Variants in AMBRA1 observed in about 807,000 individuals in gnomAD.
AMBRA1 encodes activating molecule in BECN1-regulated autophagy protein 1.
In AMBRA1, 47 loss-of-function variants were observed where a neutral mutation model predicts 125.4. The observed-to-expected ratio is 0.37, with a 90% CI of 0.30 to 0.48. The LOEUF is 0.48. Among genes scored for constraint, AMBRA1 ranks in the 20% least tolerant of loss-of-function variants. The pLI, the probability that AMBRA1 is intolerant of heterozygous loss-of-function variation, is 0.99. For missense variants in AMBRA1, 1,331 were observed against 1,693.4 expected (o/e 0.79, Z 3.76); for synonymous variants, 626 against 655.5 (o/e 0.95, Z 0.69).
intron 1 of AMBRA1, chr11:46,548,982 G>A (rs1236397312): frequency 6.6e-6 from 1 of 151,274 alleles, no homozygotes; most frequent in Non-Finnish European, 1.5e-5. Flanking sequence ...GACAGAGCAA[G>A]ACTCCATCTC....
At chr11:46,482,061 G>A (rs897862893) in intron 11 of AMBRA1, among the ~76,000 whole-genome samples, 1 of 152,218 alleles carries the variant, frequency 6.6e-6, no homozygotes, top group Non-Finnish European at 1.5e-5. Flanking sequence ...GTGATGTGAT[G>A]TTTCCAGCTT....
At chr11:46,508,049 C>T in intron 9 of AMBRA1, 142 bp downstream of exon 9, 1 of 900,022 alleles carries the variant, frequency 1.1e-6, no homozygotes, top group Non-Finnish European at 1.7e-6. Context: ...CCCTCTGTCC[C>T]TCACCCCATC....
intron 11 of AMBRA1, among the ~76,000 whole-genome samples, chr11:46,445,101 G>T (rs1028674258): frequency 2.0e-4 from 31 of 151,350 alleles, no homozygotes; most frequent in African/African-American, 7.5e-4. Context: ...AAAACTTAGT[G>T]TAATCATTTG....
chr11:46,489,294 A>C (rs1439903916), intron 11 of AMBRA1, among the ~76,000 whole-genome samples: 6 of 150,380 alleles, frequency 4.0e-5, no homozygotes, highest in Non-Finnish European at 8.9e-5. Flanking sequence ...TTCAATTCTC[A>C]CCTACATGCC....
chr11:46,579,570 C>A (rs1033910391), intron 1 of AMBRA1, among the ~76,000 whole-genome samples: 2 of 152,208 alleles, frequency 1.3e-5, no homozygotes, highest in Admixed American at 1.3e-4. Context: ...ATCTTCATAC[C>A]CTCACCCTTT....
intron 14 of AMBRA1, among the ~76,000 whole-genome samples, chr11:46,432,762 G>C (rs1217936764): frequency 6.6e-6 from 1 of 152,214 alleles, no homozygotes; most frequent in East Asian, 1.9e-4. Context: ...CAGGTTCTTG[G>C]ATTCTGACAA....
intron 14 of AMBRA1, among the ~76,000 whole-genome samples, chr11:46,432,021 G>A (rs1290054062): frequency 6.6e-6 from 1 of 152,044 alleles, no homozygotes; most frequent in Non-Finnish European, 1.5e-5. Context: ...TGATAAAGAG[G>A]ATGCTTTATT....
intron 1 of AMBRA1, among the ~76,000 whole-genome samples, chr11:46,581,433 CCG>C (rs2044166507): frequency 6.6e-6 from 1 of 152,062 alleles, no homozygotes; most frequent in East Asian, 1.9e-4. Context: ...ACATGAAACC[CCG>C]TCTCTACTAA....
chr11:46,531,914 T>C (rs1364827628), intron 7 of AMBRA1, among the ~76,000 whole-genome samples: 1 of 151,908 alleles, frequency 6.6e-6, no homozygotes, highest in Non-Finnish European at 1.5e-5. Context: ...GGTTAGGAGT[T>C]CAAGACCGGC....
At chr11:46,563,005 C>T (rs1318972459) in intron 1 of AMBRA1, among the ~76,000 whole-genome samples, 2 of 152,198 alleles carry the variant, frequency 1.3e-5, no homozygotes, top group East Asian at 3.9e-4. Flanking sequence ...ACCATGTTAG[C>T]CAAGCTGGTC....
At chr11:46,547,564 T>C in intron 3 of AMBRA1, 2 of 584,162 alleles carry the variant, frequency 3.4e-6, no homozygotes, top group Non-Finnish European at 6.0e-6. Flanking sequence ...TGGTGAGCTG[T>C]ATCACACAGG....
intron 7 of AMBRA1, among the ~76,000 whole-genome samples, chr11:46,539,779 A>G (rs1952646906): frequency 1.3e-5 from 2 of 152,200 alleles, no homozygotes; most frequent in South Asian, 4.1e-4. Context: ...GAATTATTTC[A>G]AAGCAAGAAC....
At chr11:46,430,649 G>A (rs1468928453) in intron 14 of AMBRA1, among the ~76,000 whole-genome samples, 4 of 152,210 alleles carry the variant, frequency 2.6e-5, no homozygotes, top group Admixed American at 1.3e-4. Context: ...ATCTCTTGGG[G>A]AGAGATGTCA....
At chr11:46,555,324 A>G (rs1456384923) in intron 1 of AMBRA1, among the ~76,000 whole-genome samples, 1 of 152,178 alleles carries the variant, frequency 6.6e-6, no homozygotes, top group Non-Finnish European at 1.5e-5. Flanking sequence ...GTGCAATCTG[A>G]TTATCTTATG....
At chr11:46,413,973 G>A (rs1001733476) in intron 15 of AMBRA1, among the ~76,000 whole-genome samples, 1 of 152,112 alleles carries the variant, frequency 6.6e-6, no homozygotes, top group African/African-American at 2.4e-5. Context: ...GTCCAATCAG[G>A]GCCAGCCTTT....
intron 14 of AMBRA1, among the ~76,000 whole-genome samples, chr11:46,428,468 T>G (rs923857345): frequency 2.0e-5 from 3 of 152,184 alleles, no homozygotes; most frequent in Non-Finnish European, 2.9e-5. Flanking sequence ...TAGTCATCCC[T>G]TCTGCCAATA....
rs557056211 is a variant in AMBRA1 at position 46,429,522 on chromosome 11, G to T, written c.2976+3952C>A. ...TTCTAGCTCAAAATGCCCTAGCTTC[G>T]TCCTCATGTCCCTGAACCTCCCTGC... On this transcript the variant is annotated intron_variant, in intron 14 of 17. Transcript: ENST00000683756. 1.3e-5 allele frequency among the ~76,000 whole-genome samples: 2 copies of T among 152,082 alleles called. 1 individual carries two copies. Among genetic ancestry groups the T allele is most frequent in the South Asian group, 4.1e-4 (2 of 4,832 alleles).
intron 11 of AMBRA1, among the ~76,000 whole-genome samples, chr11:46,465,887 G>A (rs963171267): frequency 6.6e-6 from 1 of 152,200 alleles, no homozygotes; most frequent in Non-Finnish European, 1.5e-5. Flanking sequence ...CTAGCATGCT[G>A]TGCCAACCAG....
intron 11 of AMBRA1, among the ~76,000 whole-genome samples, chr11:46,482,349 G>A (rs1590921118): frequency 6.6e-6 from 1 of 152,238 alleles, no homozygotes; most frequent in Non-Finnish European, 1.5e-5. Context: ...GAGTGACTGC[G>A]GATATTTCCA....
Sources: gnomAD v4.1 joint callset for allele counts (sites outside exome capture counted in the v4.1 genomes callset) on GRCh38, gnomAD v4.1.1 for gene constraint, MANE v1.5 for transcripts, NCBI Gene and HGNC (gene_info 2026-07-23, HGNC 2026-07-21) for gene names.